The following RAPGEF4 variants were observed in gnomAD, a reference collection of about 807,000 sequenced individuals.
RAPGEF4 encodes the protein RAP guanine-nucleotide-exchange factor (GEF) 4.
Under a neutral mutation model 147.9 loss-of-function variants are expected in RAPGEF4, and 66 were observed. The ratio of observed to expected loss-of-function variants is 0.45; its 90% CI spans 0.37 to 0.55. RAPGEF4 has a LOEUF of 0.55. Among genes scored for constraint, RAPGEF4 ranks in the 20% least tolerant of loss-of-function variants. The pLI is 0.00. For synonymous variants in RAPGEF4, 419 were observed against 442.7 expected (o/e 0.95, Z 0.67); for missense variants, 1,071 against 1,257.3 (o/e 0.85, Z 2.24).
chr2:172,844,775 T>C (rs1691988344), intron 4 of RAPGEF4, among the ~76,000 whole-genome samples: 1 of 152,230 alleles, frequency 6.6e-6, no homozygotes, highest in Admixed American at 6.5e-5. Context: ...GTTTTTGTTT[T>C]TGTTTTTAGT....
chr2:172,918,071 G>A (rs754776150), intron 5 of RAPGEF4, 197 bp downstream of exon 5: 4 of 733,330 alleles, frequency 5.5e-6, no homozygotes, highest in Non-Finnish European at 9.9e-6. Flanking sequence ...GGTCTTAGCT[G>A]ATAGAGAGAG....
Position 173,052,877 on chromosome 2 carries a change from T to G in RAPGEF4, c.*1110T>G, listed in dbSNP as rs144612528. 3.3e-5 allele frequency: 5 copies of G among 152,342 alleles called. No homozygotes were observed. The highest frequency in any genetic ancestry group is 1.2e-4 in the African/African-American group (5 of 41,568). 9.4% of individuals were successfully genotyped at this position (152,342 alleles called of 1,614,324 possible). ...TAACATCTAGTATCTTCACTAAATA[T>G]AATTGTCGACAAGAAATGGTTGTGT... is the stretch of plus-strand genomic sequence containing the variant. On this transcript the variant is annotated 3_prime_UTR_variant, in exon 31 of 31. Transcript: ENST00000397081.
intron 1 of RAPGEF4, among the ~76,000 whole-genome samples, chr2:172,736,741 C>T (rs992129327): frequency 1.3e-5 from 2 of 152,228 alleles, no homozygotes; most frequent in African/African-American, 4.8e-5. Context: ...GCAGTTGTTT[C>T]CAGGCTGTGA....
At chr2:172,931,195 C>CGGGGGGGGG (rs1685928458) in intron 6 of RAPGEF4, among the ~76,000 whole-genome samples, 1 of 12,576 alleles carries the variant, frequency 8.0e-5, no homozygotes, top group African/African-American at 2.8e-4. Flanking sequence ...CGCTGGGGGG[C>CGGGGGGGGG]GGGGGGACTG....
chr2:172,840,504 C>A (rs1691461617), intron 4 of RAPGEF4, among the ~76,000 whole-genome samples: 1 of 152,166 alleles, frequency 6.6e-6, no homozygotes, highest in Admixed American at 6.5e-5. Context: ...GTTGTTGATA[C>A]TTTTACTGTC....
rs760538481 is a variant in RAPGEF4 at position 173,014,594 on chromosome 2, G to A, written c.1789G>A (p.Val597Met). The change falls in exon 18 of 31, where the codon GTG becomes ATG. Residue 597 changes from valine to methionine, a missense_variant. Val to Met is a conservative substitution (Grantham distance 21, BLOSUM62 1). Coordinates refer to ENST00000397081, the MANE Select transcript of RAPGEF4 (RefSeq NM_007023.4). ...MYGDLLQEDD[V>M]SMAFLEEFYV... Reference sequence around the variant, plus strand: ...TGGAGACCTCCTGCAAGAGGATGACGTGTCTATGGCCTTCCTGGAGGTAGG... The same window carrying A: ...TGGAGACCTCCTGCAAGAGGATGACATGTCTATGGCCTTCCTGGAGGTAGG... The A allele has an allele frequency of 9.4e-5, 152 of 1,613,780 alleles. No homozygotes were observed. Among genetic ancestry groups the A allele is most frequent in the Middle Eastern group, 1.6e-4 (1 of 6,078 alleles).
rs182151249 is a variant in RAPGEF4 at position 172,789,042 on chromosome 2, A to G, written c.66-5983A>G. 6.6e-3 allele frequency among the ~76,000 whole-genome samples: 998 copies of G among 152,328 alleles called. 11 individuals are homozygous for G. Among genetic ancestry groups the G allele is most frequent in the South Asian group, 0.016 (76 of 4,824 alleles). ...GGTCCTTGTTTTCTTGTTGGCTGTC[A>G]GTCAGTAACTGCCCACATTTCTTGC... On this transcript the variant is annotated intron_variant, in intron 1 of 30. Transcript: ENST00000397081.
chr2:172,796,529 G>C (rs1686385782), intron 2 of RAPGEF4, among the ~76,000 whole-genome samples: 1 of 152,108 alleles, frequency 6.6e-6, no homozygotes, highest in South Asian at 2.1e-4. Context: ...AGGTTGCAGT[G>C]AACCGAGATT....
At chr2:172,792,556 G>A (rs1420087100) in intron 1 of RAPGEF4, among the ~76,000 whole-genome samples, 1 of 152,168 alleles carries the variant, frequency 6.6e-6, no homozygotes, top group Non-Finnish European at 1.5e-5. Flanking sequence ...TGGGAGGCCA[G>A]GGAGGTTGTG....
At chr2:173,027,367 A>G in intron 25 of RAPGEF4, 108 bp downstream of exon 25, 1 of 872,548 alleles carries the variant, frequency 1.1e-6, no homozygotes, top group South Asian at 2.0e-5. Flanking sequence ...GAACTGCTAG[A>G]GGGCCAAACA....
chr2:172,946,968 C>T (rs16861061), intron 6 of RAPGEF4, among the ~76,000 whole-genome samples: 2,670 of 152,290 alleles, frequency 0.018, 96 homozygotes, highest in African/African-American at 0.061. Context: ...TGTAGAGATT[C>T]TGCAACATGT....
At chr2:172,893,936 A>C (rs1464065351) in intron 4 of RAPGEF4, 1 of 152,684 alleles carries the variant, frequency 6.5e-6, no homozygotes, top group Non-Finnish European at 1.5e-5. Context: ...CCACAGTCTG[A>C]TCAGTTAGAT....
intron 29 of RAPGEF4, among the ~76,000 whole-genome samples, chr2:173,041,291 G>A (rs899618737): frequency 2.6e-5 from 4 of 152,108 alleles, no homozygotes; most frequent in African/African-American, 2.4e-5. Context: ...AAAAATCTAC[G>A]TGTTCAAGTC....
At chr2:172,815,855 A>G (rs1254050873) in intron 4 of RAPGEF4, among the ~76,000 whole-genome samples, 1 of 152,202 alleles carries the variant, frequency 6.6e-6, no homozygotes, top group African/African-American at 2.4e-5. Flanking sequence ...TGAACATTAA[A>G]ACAAACTTAT....
rs1574708883 is a variant in RAPGEF4, at chr2:172,754,861, T to C, written c.65+18813T>C. On this transcript the variant is annotated intron_variant, in intron 1 of 30. Transcript: ENST00000397081. Reference sequence around the variant, plus strand: ...ATGGAGACCATCCTGGCTAACACGGTGAAACCCCATCTCTACTAAAAAATA... The same window carrying C: ...ATGGAGACCATCCTGGCTAACACGGCGAAACCCCATCTCTACTAAAAAATA... Among the ~76,000 whole-genome samples, 3 of 152,160 alleles carry C rather than the reference T, an allele frequency of 2.0e-5. No homozygotes were observed. The South Asian group carries it at 6.2e-4, about 32-fold the overall frequency.
intron 18 of RAPGEF4, 73 bp downstream of exon 18, chr2:173,014,687 G>C: frequency 1.4e-6 from 2 of 1,455,288 alleles, no homozygotes; most frequent in Non-Finnish European, 1.9e-6. Flanking sequence ...AGGCTCAGCA[G>C]CTTCCCTGGA....
At chr2:172,902,212 G>A (rs1177248302) in intron 4 of RAPGEF4, among the ~76,000 whole-genome samples, 4 of 152,156 alleles carry the variant, frequency 2.6e-5, no homozygotes, top group Non-Finnish European at 5.9e-5. Flanking sequence ...GCAGAGGCCA[G>A]GTTGTGTAAG....
intron 1 of RAPGEF4, among the ~76,000 whole-genome samples, chr2:172,745,565 AT>A (rs147698401): frequency 4.1e-5 from 6 of 148,120 alleles, no homozygotes; most frequent in South Asian, 2.1e-4. Flanking sequence ...ATTTTTGCTC[AT>A]TTTTTTTTCC....
intron 1 of RAPGEF4, among the ~76,000 whole-genome samples, chr2:172,743,115 A>T (rs1281634637): frequency 6.6e-6 from 1 of 152,144 alleles, no homozygotes; most frequent in Non-Finnish European, 1.5e-5. Context: ...GTCAGAATAA[A>T]ATCACGTTTG....
Sources: gnomAD v4.1 joint callset for allele counts (sites outside exome capture counted in the v4.1 genomes callset) on GRCh38, gnomAD v4.1.1 for gene constraint, MANE v1.5 for transcripts, NCBI Gene and HGNC (gene_info 2026-07-23, HGNC 2026-07-21) for gene names.